LRRC28: variants seen among roughly 807,000 people sequenced by gnomAD.
The protein encoded by LRRC28 is leucine-rich repeat-containing protein 28.
Under a neutral mutation model 45.7 loss-of-function variants are expected in LRRC28, and 39 were observed. That is an observed-to-expected ratio of 0.85 (90% CI 0.66 to 1.12). LRRC28 has a LOEUF of 1.12. Ranked by LOEUF, LRRC28 falls within the 50% of genes most tolerant of loss-of-function variation. The pLI is 0.00. For missense variants in LRRC28, 435 were observed against 438.5 expected, an observed-to-expected ratio of 0.99 and a Z score of 0.07; for synonymous variants, 206 against 178.8, an observed-to-expected ratio of 1.15 and a Z score of -1.22.
At chr15:99,323,137 A>G (rs974151245) in intron 5 of LRRC28, among the ~76,000 whole-genome samples, 3 of 152,190 alleles carry the variant, frequency 2.0e-5, no homozygotes, top group Non-Finnish European at 4.4e-5. Flanking sequence ...CAGAAGCATC[A>G]AAGTTTATTT....
chr15:99,350,130 G>A (rs1235408133), intron 6 of LRRC28, among the ~76,000 whole-genome samples: 13 of 135,174 alleles, frequency 9.6e-5, no homozygotes, highest in East Asian at 4.2e-4. Context: ...GCGACAGAGC[G>A]AGACTCCGTC....
chr15:99,378,127 C>T (rs1957700420), intron 9 of LRRC28, among the ~76,000 whole-genome samples: 2 of 152,062 alleles, frequency 1.3e-5, no homozygotes, highest in South Asian at 4.2e-4. Context: ...TATAAATTAC[C>T]TTGGGCAGTA....
chr15:99,287,884 A>T lies in LRRC28; in HGVS notation c.318A>T (p.Glu106Asp). ...SDNALEIVCP[E>D]IGRLRALRHL... ...ATGCCTTAGAAATTGTTTGCCCAGA[A>T]ATTGGTCGTCTGAGAGCTTTACGTC... is the stretch of plus-strand genomic sequence containing the variant. The change falls in exon 5 of 10, where the codon GAA becomes GAT. Residue 106 changes from glutamate (E) to aspartate (D), a missense_variant. By Grantham distance (45) the Glu-to-Asp change is conservative (BLOSUM62 2). Transcript: ENST00000301981. 1 of 1,613,804 alleles carries T rather than the reference A, an allele frequency of 6.2e-7. No individual in the cohort carries two copies. The highest frequency in any genetic ancestry group is 8.5e-7 in the Non-Finnish European group (1 of 1,179,836).
intron 5 of LRRC28, among the ~76,000 whole-genome samples, chr15:99,300,243 G>A (rs970374104): frequency 2.0e-5 from 3 of 151,820 alleles, no homozygotes; most frequent in Non-Finnish European, 4.4e-5. Context: ...GTCATTATAA[G>A]ATGTTGAAAT....
At chr15:99,328,008 C>T (rs28882103) in intron 5 of LRRC28, among the ~76,000 whole-genome samples, 1,686 of 152,192 alleles carry the variant, frequency 0.011, 22 homozygotes, top group African/African-American at 0.037. Context: ...TTTCCAAATA[C>T]GGGGATTTCC....
chr15:99,379,288 T>G (rs1332448709), intron 9 of LRRC28, among the ~76,000 whole-genome samples: 1 of 152,346 alleles, frequency 6.6e-6, no homozygotes, highest in East Asian at 1.9e-4. Flanking sequence ...GTCCAGGAAT[T>G]TATCCATTTC....
At chr15:99,280,263 T>C (rs1462674698) in intron 3 of LRRC28, among the ~76,000 whole-genome samples, 2 of 152,124 alleles carry the variant, frequency 1.3e-5, no homozygotes, top group African/African-American at 2.4e-5. Context: ...TCATCCTGTT[T>C]ATGTTCTTTT....
intron 3 of LRRC28, 98 bp from the exon 4 acceptor site, chr15:99,287,159 T>A: frequency 9.6e-7 from 1 of 1,044,384 alleles, no homozygotes; most frequent in Non-Finnish European, 1.4e-6. Flanking sequence ...TTGTGGCCTA[T>A]TTATATTTGA....
chr15:99,376,295 G>C (rs115001069), intron 9 of LRRC28, among the ~76,000 whole-genome samples: 207 of 152,082 alleles, frequency 1.4e-3, no homozygotes, highest in African/African-American at 4.1e-3. Context: ...TTTTCCTCTT[G>C]TCTTTTTGTT....
intron 6 of LRRC28, among the ~76,000 whole-genome samples, chr15:99,341,915 T>A (rs7172305): frequency 0.29 from 43,633 of 151,962 alleles, 7,250 homozygotes; most frequent in African/African-American, 0.47. Flanking sequence ...TTCAGTAAAG[T>A]TCTTAAGTTC....
At chr15:99,326,198 A>C (rs972380098) in intron 5 of LRRC28, among the ~76,000 whole-genome samples, 1 of 152,178 alleles carries the variant, frequency 6.6e-6, no homozygotes, top group Admixed American at 6.5e-5. Context: ...CAATAAAATA[A>C]GGGTATGTTC....
intron 7 of LRRC28, among the ~76,000 whole-genome samples, chr15:99,352,969 G>C (rs1956932760): frequency 6.6e-6 from 1 of 152,184 alleles, no homozygotes; most frequent in African/African-American, 2.4e-5. Context: ...CTCAACATTT[G>C]AGATAGTCCC....
At chr15:99,361,964 G>A (rs1957216527) in intron 8 of LRRC28, among the ~76,000 whole-genome samples, 2 of 152,144 alleles carry the variant, frequency 1.3e-5, no homozygotes, top group South Asian at 2.1e-4. Flanking sequence ...TTGCCTTGCC[G>A]CCTCCTCGCA....
At chr15:99,304,654 C>T (rs1343294329) in intron 5 of LRRC28, among the ~76,000 whole-genome samples, 1 of 151,874 alleles carries the variant, frequency 6.6e-6, no homozygotes, top group Non-Finnish European at 1.5e-5. Context: ...ACCGTGTTGG[C>T]CAGGCTGGTC....
chr15:99,257,669 G>A, intron 2 of LRRC28: 1 of 743,538 alleles, frequency 1.3e-6, no homozygotes, highest in African/African-American at 1.7e-5. Context: ...GCTGCGTCCT[G>A]CTGACCTTCG....
intron 5 of LRRC28, among the ~76,000 whole-genome samples, chr15:99,294,293 A>T (rs2152227998): frequency 6.6e-6 from 1 of 151,810 alleles, no homozygotes; most frequent in Middle Eastern, 3.4e-3. Context: ...TACGCACATT[A>T]GATAATTTGG....
intron 9 of LRRC28, among the ~76,000 whole-genome samples, chr15:99,378,872 G>C (rs1387606197): frequency 6.6e-6 from 1 of 152,162 alleles, no homozygotes; most frequent in Non-Finnish European, 1.5e-5. Context: ...AACCAGCCTT[G>C]CATCCCAGGG....
intron 5 of LRRC28, among the ~76,000 whole-genome samples, chr15:99,302,771 A>C (rs532218308): frequency 6.6e-6 from 1 of 152,204 alleles, no homozygotes; most frequent in Non-Finnish European, 1.5e-5. Flanking sequence ...TTTTGTCTCT[A>C]TAGTTTTGAC....
At chr15:99,296,236 A>T (rs1482728652) in intron 5 of LRRC28, among the ~76,000 whole-genome samples, 1 of 152,184 alleles carries the variant, frequency 6.6e-6, no homozygotes, top group Non-Finnish European at 1.5e-5. Flanking sequence ...CCTGTGTTAC[A>T]GTTTCTAGGA....
Sources: gnomAD v4.1 joint callset for allele counts (sites outside exome capture counted in the v4.1 genomes callset) on GRCh38, gnomAD v4.1.1 for gene constraint, MANE v1.5 for transcripts, NCBI Gene and HGNC (gene_info 2026-07-23, HGNC 2026-07-21) for gene names.